The following GRM5 variants were observed in gnomAD, a reference collection of about 807,000 sequenced individuals.
The protein encoded by GRM5 is metabotropic glutamate receptor 5.
GRM5 carries 19 observed loss-of-function variants against 83.1 expected under a neutral mutation model. The ratio of observed to expected loss-of-function variants is 0.23; its 90% CI spans 0.16 to 0.34. GRM5 has a LOEUF of 0.34. Ranked by LOEUF, GRM5 falls within the 10% of genes least tolerant of loss-of-function variation. The pLI is 1.00. For synonymous variants in GRM5, 675 were observed against 633.6 expected, an observed-to-expected ratio of 1.07 and a Z score of -0.98; for missense variants, 1,160 against 1,588.3, an observed-to-expected ratio of 0.73 and a Z score of 4.58.
Position 89,009,002 on chromosome 11 carries a change from C to T in GRM5, c.661+38210G>A, listed in dbSNP as rs774548763. 6.0e-6 allele frequency: 4 copies of T among 666,938 alleles called. No homozygotes were observed. In the African/African-American group the frequency reaches 7.2e-5, roughly 12 times the overall value. The allele number at this position is 666,938 out of a possible 1,614,324, so 41.3% of individuals were successfully genotyped here. On this transcript the variant is annotated intron_variant, in intron 2 of 9. Coordinates refer to ENST00000305447, the MANE Select transcript of GRM5 (RefSeq NM_001143831.3). The stretch of plus-strand genomic sequence containing the variant: ...TTTTTACTTACAACTAATTAGGAGC[C>T]TAATTTACCTTTAGCCCTATTGTTT...
At chr11:88,788,446 T>C (rs926809853) in intron 3 of GRM5, among the ~76,000 whole-genome samples, 8 of 152,032 alleles carry the variant, frequency 5.3e-5, no homozygotes, top group African/African-American at 1.9e-4. Context: ...AATGGGATGG[T>C]AGGAAGAATT....
chr11:88,730,976 C>A (rs935906753), intron 3 of GRM5, among the ~76,000 whole-genome samples: 1 of 152,092 alleles, frequency 6.6e-6, no homozygotes, highest in East Asian at 1.9e-4. Flanking sequence ...ATGTAACAAA[C>A]CTGCACGTTC....
chr11:88,796,925 TGTG>T (rs1331975341), intron 3 of GRM5, among the ~76,000 whole-genome samples: 1 of 146,948 alleles, frequency 6.8e-6, no homozygotes, highest in Non-Finnish European at 1.5e-5. Context: ...TGTGTGTGTG[TGTG>T]TGTGTGTGTG....
At chr11:88,605,593 G>GA (rs1228730724) in intron 4 of GRM5, among the ~76,000 whole-genome samples, 1 of 151,986 alleles carries the variant, frequency 6.6e-6, no homozygotes, top group Non-Finnish European at 1.5e-5. Flanking sequence ...ATCATCTAGA[G>GA]AAAAAAAGAT....
intron 3 of GRM5, among the ~76,000 whole-genome samples, chr11:88,816,744 T>A (rs1943695254): frequency 3.7e-5 from 2 of 54,186 alleles, no homozygotes; most frequent in Non-Finnish European, 2.9e-5. Flanking sequence ...TCCAGATTGG[T>A]CCAAAAAAAA....
chr11:88,880,901 GA>G (rs776304245), intron 2 of GRM5, among the ~76,000 whole-genome samples: 8 of 152,004 alleles, frequency 5.3e-5, no homozygotes, highest in Non-Finnish European at 1.2e-4. Context: ...ACTGTCTGGG[GA>G]AAAAATTGCA....
At position 88,774,758 on chromosome 11, in the gene GRM5, C is replaced by T. The variant is rs138436632; in HGVS notation, c.911+75148G>A. On this transcript the variant is annotated intron_variant, in intron 3 of 9. Transcript: ENST00000305447. Reference sequence around the variant, plus strand: ...TTCATGTGATGGATTAGGTTTATTGCGTATGTTGAAGCAGCCTTGCATCTC... The same window carrying T: ...TTCATGTGATGGATTAGGTTTATTGTGTATGTTGAAGCAGCCTTGCATCTC... Among the ~76,000 whole-genome samples the T allele has an allele frequency of 1.5e-3, 219 of 150,924 alleles. 1 individual carries two copies. Among genetic ancestry groups the T allele is most frequent in the African/African-American group, 4.9e-3 (204 of 41,370 alleles).
intron 3 of GRM5, among the ~76,000 whole-genome samples, chr11:88,826,718 T>C (rs74961940): frequency 0.025 from 3,882 of 152,294 alleles, 174 homozygotes; most frequent in African/African-American, 0.089. Context: ...AGTACTGTTA[T>C]GGTTATGATA....
chr11:88,562,123 A>T (rs921949683), intron 8 of GRM5, among the ~76,000 whole-genome samples: 1 of 152,116 alleles, frequency 6.6e-6, no homozygotes, highest in African/African-American at 2.4e-5. Context: ...TTGGAAAAAA[A>T]TGGTCTTGTA....
At chr11:88,883,418 G>A (rs895421589) in intron 2 of GRM5, among the ~76,000 whole-genome samples, 10 of 152,276 alleles carry the variant, frequency 6.6e-5, no homozygotes, top group African/African-American at 2.4e-4. Context: ...TTTTGTCCCT[G>A]CTTTAGAGAT....
intron 2 of GRM5, among the ~76,000 whole-genome samples, chr11:88,913,536 G>C (rs902046422): frequency 6.6e-6 from 1 of 150,774 alleles, no homozygotes; most frequent in Non-Finnish European, 1.5e-5. Context: ...CCTACTGGTT[G>C]GTCCCTCTTT....
chr11:88,799,434 A>G (rs542383119), intron 3 of GRM5, among the ~76,000 whole-genome samples: 1 of 152,278 alleles, frequency 6.6e-6, no homozygotes, highest in African/African-American at 2.4e-5. Flanking sequence ...TAGGCACATT[A>G]TTATACATGT....
At chr11:89,020,891 G>C (rs1206046375) in intron 2 of GRM5, among the ~76,000 whole-genome samples, 5 of 152,142 alleles carry the variant, frequency 3.3e-5, no homozygotes, top group Non-Finnish European at 7.3e-5. Flanking sequence ...GAAAAAACTG[G>C]CTTAGTGAGA....
At chr11:88,699,967 T>C (rs1369888145) in intron 3 of GRM5, among the ~76,000 whole-genome samples, 1 of 152,148 alleles carries the variant, frequency 6.6e-6, no homozygotes, top group Non-Finnish European at 1.5e-5. Flanking sequence ...AGGCATTCTA[T>C]ACCATAGACC....
chr11:88,920,414 AAAAAAAAAAAAAAACC>A (rs557992376), intron 2 of GRM5, among the ~76,000 whole-genome samples: 8,058 of 42,782 alleles, frequency 0.19, 584 homozygotes, highest in African/African-American at 0.33. Flanking sequence ...TCTCCCAGCC[AAAAAAAAAAAAAAACC>A]AAAAAAAAAA....
chr11:89,060,454 T>C (rs1336040099), intron 1 of GRM5, among the ~76,000 whole-genome samples: 1 of 152,116 alleles, frequency 6.6e-6, no homozygotes, highest in Non-Finnish European at 1.5e-5. Context: ...TGCACTGTTC[T>C]TTGACAGTAG....
At chr11:88,871,948 G>A (rs780022239) in intron 2 of GRM5, among the ~76,000 whole-genome samples, 1 of 151,092 alleles carries the variant, frequency 6.6e-6, no homozygotes, top group East Asian at 1.9e-4. Flanking sequence ...CATACTGAAG[G>A]TCACAAAATT....
At chr11:88,544,118 C>T (rs1192580734) in intron 8 of GRM5, among the ~76,000 whole-genome samples, 2 of 152,086 alleles carry the variant, frequency 1.3e-5, no homozygotes, top group African/African-American at 4.8e-5. Context: ...CTCTCTTGCC[C>T]TTCCACCATG....
intron 2 of GRM5, among the ~76,000 whole-genome samples, chr11:88,983,947 C>G (rs1376129861): frequency 2.0e-5 from 3 of 151,754 alleles, no homozygotes; most frequent in African/African-American, 7.3e-5. Context: ...AAAATAAAAA[C>G]TTTTAAAAAT....
Sources: allele counts gnomAD v4.1 joint callset (sites outside exome capture counted in the v4.1 genomes callset), GRCh38; gene constraint gnomAD v4.1.1; transcripts MANE v1.5; gene names NCBI Gene and HGNC (gene_info 2026-07-23, HGNC 2026-07-21).